Variants in LIPC observed in about 807,000 individuals in gnomAD.
LIPC encodes hepatic triacylglycerol lipase.
LIPC carries 44 observed loss-of-function variants against 50.7 expected under a neutral mutation model. The ratio of observed to expected loss-of-function variants is 0.87; its 90% CI spans 0.68 to 1.11. The LOEUF (loss-of-function observed/expected upper bound fraction) is 1.11, where lower values mean the gene tolerates loss of function less well. Ranked by LOEUF, LIPC falls within the 50% of genes most tolerant of loss-of-function variation. LIPC has a pLI of 0.00. For synonymous variants in LIPC, 271 were observed against 256.4 expected, an observed-to-expected ratio of 1.06 and a Z score of -0.54; for missense variants, 697 against 648.2, an observed-to-expected ratio of 1.08 and a Z score of -0.82.
At chr15:58,531,876 C>T (rs1466101448) in intron 1 of LIPC, among the ~76,000 whole-genome samples, 2 of 152,096 alleles carry the variant, frequency 1.3e-5, no homozygotes, top group African/African-American at 4.8e-5. Context: ...TCAAGACAAA[C>T]TTAGGAATTT....
At chr15:58,561,437 T>A (rs200523849) in intron 7 of LIPC, among the ~76,000 whole-genome samples, 1 of 152,064 alleles carries the variant, frequency 6.6e-6, no homozygotes, top group Admixed American at 6.5e-5. Flanking sequence ...GTGTCGGGAT[T>A]AGATAAGGGG....
chr15:58,465,871 G>A (rs913877634), intron 1 of LIPC, among the ~76,000 whole-genome samples: 1 of 152,128 alleles, frequency 6.6e-6, no homozygotes, highest in African/African-American at 2.4e-5. Context: ...GGGAAACTAG[G>A]GAGACAATCA....
intron 6 of LIPC, 106 bp from the exon 7 acceptor site, chr15:58,560,758 C>G: frequency 1.5e-6 from 1 of 676,238 alleles, no homozygotes; most frequent in South Asian, 1.7e-5. Context: ...AATATCTATC[C>G]AAACTCTTCC....
chr15:58,484,750 G>A (rs949848151), intron 1 of LIPC, among the ~76,000 whole-genome samples: 5 of 151,996 alleles, frequency 3.3e-5, no homozygotes, highest in African/African-American at 4.8e-5. Flanking sequence ...ACACTTTCTC[G>A]CCAAATTCAG....
At chr15:58,547,505 G>A (rs1238341914) in intron 5 of LIPC, among the ~76,000 whole-genome samples, 1 of 152,098 alleles carries the variant, frequency 6.6e-6, no homozygotes, top group Non-Finnish European at 1.5e-5. Context: ...CCAGACAACT[G>A]GGGAAATAGC....
intron 8 of LIPC, 71 bp downstream of exon 8, chr15:58,563,794 A>C: frequency 2.5e-6 from 3 of 1,222,700 alleles, no homozygotes; most frequent in Non-Finnish European, 3.6e-6. Flanking sequence ...TCACAATTTA[A>C]TACTCACATT....
intron 1 of LIPC, among the ~76,000 whole-genome samples, chr15:58,512,746 AGTGGCACTGGAACG>A (rs1892366307): frequency 6.6e-6 from 1 of 152,310 alleles, no homozygotes; most frequent in East Asian, 1.9e-4. Flanking sequence ...GTTGAGCAAC[AGTGGCACTGGAACG>A]AGGTAGGAGG....
chr15:58,454,293 C>T (rs1465266524), intron 1 of LIPC: 2 of 152,212 alleles, frequency 1.3e-5, no homozygotes, highest in East Asian at 3.9e-4. Context: ...GGGAAAACAC[C>T]AATTCGTTCT....
intron 6 of LIPC, among the ~76,000 whole-genome samples, chr15:58,555,921 T>A (rs56010348): frequency 2.0e-5 from 3 of 152,014 alleles, no homozygotes; most frequent in Non-Finnish European, 4.4e-5. Flanking sequence ...TGCTAGTGCC[T>A]CTCCCTCCAG....
chr15:58,447,897 G>C (rs114059650), intron 1 of LIPC, among the ~76,000 whole-genome samples: 28 of 152,292 alleles, frequency 1.8e-4, no homozygotes, highest in African/African-American at 6.5e-4. Context: ...TTCTAGCACT[G>C]GAGGAACAAG....
rs1595965652 is a variant in LIPC, at chr15:58,568,875, T to G, written c.*48T>G. 9.1e-7 allele frequency: 1 copy of G among 1,100,044 alleles called. No individual in the cohort carries two copies. The highest frequency in any genetic ancestry group is 2.0e-5 in the Admixed American group (1 of 49,694). The allele number at this position is 1,100,044 out of a possible 1,614,324, so 68.1% of individuals were successfully genotyped here. On this transcript the variant is annotated 3_prime_UTR_variant, in exon 9 of 9. Transcript: ENST00000299022. Reference sequence around the variant, plus strand: ...AAGAATAAATGAATCTTACTCCTTATCTGGAATGGCTGCCTTATTTAGAAG... The same window carrying G: ...AAGAATAAATGAATCTTACTCCTTAGCTGGAATGGCTGCCTTATTTAGAAG...
chr15:58,546,781 A>G (rs1893544304), intron 5 of LIPC, among the ~76,000 whole-genome samples: 1 of 152,132 alleles, frequency 6.6e-6, no homozygotes, highest in Non-Finnish European at 1.5e-5. Flanking sequence ...CACTCAGCTG[A>G]GAACACACTC....
chr15:58,513,312 G>T (rs1248108844), intron 1 of LIPC, among the ~76,000 whole-genome samples: 1 of 152,236 alleles, frequency 6.6e-6, no homozygotes, highest in Non-Finnish European at 1.5e-5. Context: ...AATCAACCCT[G>T]TTCCAGACAC....
chr15:58,538,409 T>G lies in LIPC; in HGVS notation c.165T>G (p.Phe55Leu), dbSNP rs568178076. 5.1e-5 allele frequency: 82 copies of G among 1,614,190 alleles called. No individual in the cohort carries two copies. The Middle Eastern group carries it at 8.2e-4, about 16-fold the overall frequency. The part of the protein sequence containing the change: ...LHEMKTRFLL[F>L]GETNQGCQIR... ...AGATGAAGACCAGATTCCTGCTCTTTGGAGAAACCAATCAGGGCTGTCAGA... is the reference window on the plus strand; with the variant it reads ...AGATGAAGACCAGATTCCTGCTCTTGGGAGAAACCAATCAGGGCTGTCAGA... Residue 55 changes from phenylalanine to leucine, a missense_variant, in exon 2 of 9, where the codon TTT (phenylalanine) becomes TTG (leucine). Phe to Leu is a conservative substitution (Grantham distance 22, BLOSUM62 0). Transcript: ENST00000299022.
chr15:58,495,635 G>A (rs1891739111), intron 1 of LIPC, among the ~76,000 whole-genome samples: 1 of 152,204 alleles, frequency 6.6e-6, no homozygotes, highest in South Asian at 2.1e-4. Flanking sequence ...TTGAGGCTCA[G>A]AGAGAGTAAG....
chr15:58,551,457 T>C (rs376714044), intron 6 of LIPC, among the ~76,000 whole-genome samples: 1 of 152,344 alleles, frequency 6.6e-6, no homozygotes. Flanking sequence ...AGTTTGTCAG[T>C]TACACAAGCC....
At chr15:58,438,039 G>T (rs1893367184) in intron 1 of LIPC, among the ~76,000 whole-genome samples, 1 of 152,126 alleles carries the variant, frequency 6.6e-6, no homozygotes, top group Non-Finnish European at 1.5e-5. Flanking sequence ...GAGAGAAACT[G>T]CAGGGCTGAC....
intron 6 of LIPC, among the ~76,000 whole-genome samples, chr15:58,549,572 C>A (rs1566948047): frequency 6.6e-6 from 1 of 152,216 alleles, no homozygotes; most frequent in Non-Finnish European, 1.5e-5. Flanking sequence ...CACAGCTGTG[C>A]AGCTGTAAGG....
intron 1 of LIPC, among the ~76,000 whole-genome samples, chr15:58,535,183 A>G (rs1893074482): frequency 6.6e-6 from 1 of 152,180 alleles, no homozygotes; most frequent in Admixed American, 6.5e-5. Context: ...GCTGCAACAC[A>G]GCAACCACTT....
Sources: allele counts gnomAD v4.1 joint callset (sites outside exome capture counted in the v4.1 genomes callset), GRCh38; gene constraint gnomAD v4.1.1; transcripts MANE v1.5; gene names NCBI Gene and HGNC (gene_info 2026-07-23, HGNC 2026-07-21).